PCMTD1: variants seen among roughly 807,000 people sequenced by gnomAD.
PCMTD1 encodes the protein protein-L-isoaspartate O-methyltransferase domain-containing protein 1.
Under a neutral mutation model 37.6 loss-of-function variants are expected in PCMTD1, and 12 were observed. That is an observed-to-expected ratio of 0.32 (90% CI 0.20 to 0.52). The LOEUF (loss-of-function observed/expected upper bound fraction) is 0.52. PCMTD1 is among the 20% of genes least tolerant of loss of function. PCMTD1 has a pLI of 0.97. For synonymous variants in PCMTD1, 117 were observed against 135.8 expected, an observed-to-expected ratio of 0.86 and a Z score of 0.96; for missense variants, 235 against 421.3, an observed-to-expected ratio of 0.56 and a Z score of 3.87.
chr8:51,865,270 C>T (rs1360421163), intron 1 of PCMTD1, among the ~76,000 whole-genome samples: 1 of 152,092 alleles, frequency 6.6e-6, no homozygotes, highest in African/African-American at 2.4e-5. Context: ...AATACCAATT[C>T]CTTCTCAAAT....
In PCMTD1 at chr8:51,826,921, A is replaced by C. The variant is rs575343266; in HGVS notation, c.706+4523T>G. The C allele has an allele frequency of 7.9e-6, 7 of 884,936 alleles. No individual in the cohort carries two copies. In the African/African-American group the frequency reaches 1.3e-4, roughly 16 times the overall value. The allele number at this position is 884,936 out of a possible 1,614,324, so 54.8% of individuals were successfully genotyped here. ...AATTAGTGGTGAATCAAGATGAAAA[A>C]TTATGACTCCACTTTAGTAAGTTGT... On this transcript the variant is annotated intron_variant, in intron 5 of 5. Coordinates refer to ENST00000522514, the MANE Select transcript of PCMTD1 (RefSeq NM_052937.4).
At chr8:51,838,531 T>C (rs1205348258) in intron 3 of PCMTD1, among the ~76,000 whole-genome samples, 1 of 152,028 alleles carries the variant, frequency 6.6e-6, no homozygotes, top group Non-Finnish European at 1.5e-5. Context: ...CTGATATTTA[T>C]ATATATATTT....
At chr8:51,886,130 TAAA>T (rs1269841040) in intron 1 of PCMTD1, among the ~76,000 whole-genome samples, 1 of 152,260 alleles carries the variant, frequency 6.6e-6, no homozygotes, top group African/African-American at 2.4e-5. Context: ...TTCTGCAATT[TAAA>T]TAGCTGTTAA....
chr8:51,886,426 T>C (rs1051160584), intron 1 of PCMTD1, among the ~76,000 whole-genome samples: 1 of 152,228 alleles, frequency 6.6e-6, no homozygotes, highest in African/African-American at 2.4e-5. Flanking sequence ...TTTTGCTAGA[T>C]TACTGCAATG....
At chr8:51,837,030 T>C (rs1346932831) in intron 3 of PCMTD1, among the ~76,000 whole-genome samples, 3 of 152,172 alleles carry the variant, frequency 2.0e-5, no homozygotes, top group African/African-American at 7.2e-5. Flanking sequence ...TAATCAACTC[T>C]CCTATAACTA....
At chr8:51,864,125 A>G (rs1483128687) in intron 1 of PCMTD1, among the ~76,000 whole-genome samples, 6 of 152,206 alleles carry the variant, frequency 3.9e-5, no homozygotes, top group Non-Finnish European at 5.9e-5. Flanking sequence ...CTTCCATCAG[A>G]CAAAATAGAC....
At chr8:51,852,873 T>A (rs555393179) in intron 2 of PCMTD1, among the ~76,000 whole-genome samples, 19 of 152,274 alleles carry the variant, frequency 1.2e-4, no homozygotes, top group African/African-American at 4.3e-4. Flanking sequence ...TTTTGTCACG[T>A]GTGGAAGAGG....
At position 51,832,525 on chromosome 8, in the gene PCMTD1, T is replaced by C. The variant is rs142540978; in HGVS notation, c.583-958A>G. ...GCTAGGTCTCAGTCATCTTAGATAC[T>C]CTACCTCTACTATACAACTACAAGG... On this transcript the variant is annotated intron_variant, in intron 4 of 5. Transcript: ENST00000522514. Among the ~76,000 whole-genome samples, 136 of 152,356 alleles carry C rather than the reference T, an allele frequency of 8.9e-4. 1 individual carries two copies. Among genetic ancestry groups the C allele is most frequent in the African/African-American group, 3.1e-3 (131 of 41,592 alleles).
At chr8:51,875,940 TTGTGTG>T (rs71237255) in intron 1 of PCMTD1, among the ~76,000 whole-genome samples, 86,258 of 151,276 alleles carry the variant, frequency 0.57, 29,501 homozygotes, top group Non-Finnish European at 0.76. Flanking sequence ...AAAAATGTGT[TTGTGTG>T]TGTGTGTGTG....
At position 51,820,222 on chromosome 8, in the gene PCMTD1, A is replaced by AT; in HGVS notation, c.*128_*129insA. ...ATACATCATTTGTGTTACTGACAGA[A>AT]ACAAGTGATTTTTTTTCCACTATAA... On this transcript the variant is annotated 3_prime_UTR_variant, in exon 6 of 6. Transcript: ENST00000522514. 1 of 661,678 alleles carries AT rather than the reference A, an allele frequency of 1.5e-6. No individual in the cohort carries two copies. The allele number at this position is 661,678 out of a possible 1,614,324, so 41.0% of individuals were successfully genotyped here.
At position 51,827,075 on chromosome 8, in the gene PCMTD1, C is replaced by A. The variant is rs920644843; in HGVS notation, c.706+4369G>T. On this transcript the variant is annotated intron_variant, in intron 5 of 5. Transcript: ENST00000522514. ...CTGCAATTAAGGAATAATGTCCTCT[C>A]AACAGAAAGCTATTTTAACTTACTT... 49 of 984,614 alleles carry A rather than the reference C, an allele frequency of 5.0e-5. No homozygotes were observed. The Admixed American group carries it at 1.3e-3, about 27-fold the overall frequency. 61.0% of individuals were successfully genotyped at this position (984,614 alleles called of 1,614,324 possible). A position where few individuals can be genotyped will look rare whatever the true frequency, so the allele number is the denominator to read the frequency against.
chr8:51,885,257 T>C lies in PCMTD1; in HGVS notation c.-96+13673A>G, dbSNP rs184932605. On this transcript the variant is annotated intron_variant, in intron 1 of 5. Transcript: ENST00000522514. Reference sequence around the variant, plus strand: ...TCCTTTTAACTTTAACTTCTAAGTATTGGGGGGCGGGGAGGATATCTTCGC... The same window carrying C: ...TCCTTTTAACTTTAACTTCTAAGTACTGGGGGGCGGGGAGGATATCTTCGC... 5.3e-5 allele frequency among the ~76,000 whole-genome samples: 8 copies of C among 152,290 alleles called. No individual in the cohort carries two copies. The East Asian group carries it at 1.4e-3, about 26-fold the overall frequency.
intron 1 of PCMTD1, among the ~76,000 whole-genome samples, chr8:51,893,809 G>A (rs1188044979): frequency 6.6e-6 from 1 of 152,154 alleles, no homozygotes; most frequent in Non-Finnish European, 1.5e-5. Flanking sequence ...ACAAGCTAGT[G>A]TGTGTGACAG....
At chr8:51,878,655 A>C (rs1585847446) in intron 1 of PCMTD1, among the ~76,000 whole-genome samples, 1 of 152,200 alleles carries the variant, frequency 6.6e-6, no homozygotes, top group East Asian at 1.9e-4. Context: ...AAATGGAGGT[A>C]GGATGATCCC....
chr8:51,845,558 A>C (rs1053273147), intron 3 of PCMTD1, 103 bp downstream of exon 3: 3 of 725,800 alleles, frequency 4.1e-6, no homozygotes, highest in Non-Finnish European at 6.8e-6. Context: ...TTTTTGCTGC[A>C]TTCAATTGAG....
rs1563359262 is a variant in PCMTD1, at chr8:51,878,249, G to GTTT, written c.-95-17004_-95-17003insAAA. ...TAAAATATTATGAGATTTTTTTTTT[G>GTTT]GTTTTTTTTTTTTTTTAGCTCATCA... On this transcript the variant is annotated intron_variant, in intron 1 of 5. Transcript: ENST00000522514. Among the ~76,000 whole-genome samples the GTTT allele has an allele frequency of 2.6e-4, 35 of 137,242 alleles. No individual in the cohort carries two copies. The South Asian group carries it at 6.6e-3, about 26-fold the overall frequency. The allele number at this position is 137,242 out of a possible 152,430, so 90.0% of individuals were successfully genotyped here. A position where few individuals can be genotyped will look rare whatever the true frequency, so the allele number is the denominator to read the frequency against.
At chr8:51,841,310 C>T (rs2038144364) in intron 3 of PCMTD1, among the ~76,000 whole-genome samples, 1 of 152,136 alleles carries the variant, frequency 6.6e-6, no homozygotes, top group Admixed American at 6.5e-5. Context: ...CATATCATGA[C>T]TCATTTATAT....
chr8:51,827,272 TCTC>T, intron 5 of PCMTD1: 1 of 1,216,586 alleles, frequency 8.2e-7, no homozygotes, highest in Non-Finnish European at 1.1e-6. Context: ...TGATGACTTT[TCTC>T]CTTATTGTAG....
intron 4 of PCMTD1, among the ~76,000 whole-genome samples, chr8:51,832,842 A>T (rs1174349484): frequency 6.6e-6 from 1 of 152,154 alleles, no homozygotes; most frequent in Admixed American, 6.6e-5. Flanking sequence ...ATCAAACCAC[A>T]AACAGGATTT....
Sources: allele counts gnomAD v4.1 joint callset (sites outside exome capture counted in the v4.1 genomes callset), GRCh38; gene constraint gnomAD v4.1.1; transcripts MANE v1.5; gene names NCBI Gene and HGNC (gene_info 2026-07-23, HGNC 2026-07-21).